Variants in EXOC4 observed in about 807,000 individuals in gnomAD.
EXOC4 encodes the protein SEC8-like 1.
In EXOC4, 71 loss-of-function variants were observed where a neutral mutation model predicts 107.2. The ratio of observed to expected loss-of-function variants is 0.66; its 90% CI spans 0.55 to 0.81. The LOEUF (loss-of-function observed/expected upper bound fraction) is 0.81. Among genes scored for constraint, EXOC4 ranks in the 30% least tolerant of loss-of-function variants. The pLI is 0.00. For synonymous variants in EXOC4, 456 were observed against 441.2 expected, an observed-to-expected ratio of 1.03 and a Z score of -0.42; for missense variants, 1,108 against 1,189.6, an observed-to-expected ratio of 0.93 and a Z score of 1.01.
intron 10 of EXOC4, among the ~76,000 whole-genome samples, chr7:133,732,250 C>T (rs1795343950): frequency 6.6e-6 from 1 of 151,980 alleles, no homozygotes; most frequent in Non-Finnish European, 1.5e-5. Context: ...ACACATGAAC[C>T]CAGAGAAAGG....
chr7:133,440,863 C>T (rs1211704318), intron 7 of EXOC4, among the ~76,000 whole-genome samples: 1 of 152,208 alleles, frequency 6.6e-6, no homozygotes, highest in Non-Finnish European at 1.5e-5. Context: ...AAGTGGGTAG[C>T]TATCAGCCCT....
At chr7:133,677,750 T>C (rs1794096357) in intron 10 of EXOC4, among the ~76,000 whole-genome samples, 1 of 152,282 alleles carries the variant, frequency 6.6e-6, no homozygotes, top group South Asian at 2.1e-4. Flanking sequence ...CTAATCAATC[T>C]TAAATCCTTC....
intron 17 of EXOC4, among the ~76,000 whole-genome samples, chr7:134,054,993 T>C (rs1011991332): frequency 6.6e-6 from 1 of 152,252 alleles, no homozygotes; most frequent in Admixed American, 6.5e-5. Flanking sequence ...CTTTGGTTTA[T>C]TTAGGTTTTC....
intron 11 of EXOC4, among the ~76,000 whole-genome samples, chr7:133,838,307 A>G (rs1797958803): frequency 6.6e-6 from 1 of 152,204 alleles, no homozygotes; most frequent in Admixed American, 6.5e-5. Flanking sequence ...ATCTGAGTTA[A>G]AGTAGTTTTC....
intron 9 of EXOC4, among the ~76,000 whole-genome samples, chr7:133,519,355 C>G (rs150842471): frequency 9.9e-5 from 15 of 151,796 alleles, no homozygotes; most frequent in Non-Finnish European, 1.9e-4. Context: ...CCCAGGAGGT[C>G]GAGGCTGCAG....
chr7:133,253,390 A>G, intron 1 of EXOC4: 1 of 1,335,384 alleles, frequency 7.5e-7, no homozygotes, highest in Non-Finnish European at 9.6e-7. Flanking sequence ...CTATAGAGAG[A>G]GGAGCCCCGC....
chr7:133,971,033 G>A (rs903229668), intron 14 of EXOC4, among the ~76,000 whole-genome samples: 2 of 152,038 alleles, frequency 1.3e-5, no homozygotes, highest in Non-Finnish European at 2.9e-5. Flanking sequence ...GAGAACCTCA[G>A]CCCTAACTGT....
intron 9 of EXOC4, among the ~76,000 whole-genome samples, chr7:133,556,727 G>T (rs904326863): frequency 1.3e-5 from 2 of 152,126 alleles, no homozygotes; most frequent in Admixed American, 1.3e-4. Flanking sequence ...AGGCACTAAT[G>T]GAATATTTTT....
intron 17 of EXOC4, among the ~76,000 whole-genome samples, chr7:134,035,329 G>A (rs1397588054): frequency 6.6e-6 from 1 of 152,172 alleles, no homozygotes; most frequent in African/African-American, 2.4e-5. Context: ...ACAGGCGTGA[G>A]CCACTGCGCC....
chr7:133,872,178 C>G (rs1268546674), intron 11 of EXOC4, among the ~76,000 whole-genome samples: 1 of 152,050 alleles, frequency 6.6e-6, no homozygotes, highest in African/African-American at 2.4e-5. Flanking sequence ...TCAAAATAAT[C>G]TGCAAAGATT....
At chr7:133,479,047 C>G (rs1799089905) in intron 8 of EXOC4, 1 of 152,116 alleles carries the variant, frequency 6.6e-6, no homozygotes, top group African/African-American at 2.4e-5. Context: ...GATGGTGTGC[C>G]TGCCTTGTTG....
intron 2 of EXOC4, among the ~76,000 whole-genome samples, chr7:133,281,343 T>C (rs1794134948): frequency 6.8e-6 from 1 of 148,100 alleles, no homozygotes; most frequent in Non-Finnish European, 1.5e-5. Flanking sequence ...ATAATAAAAA[T>C]GTATCATTAA....
intron 6 of EXOC4, among the ~76,000 whole-genome samples, chr7:133,364,938 T>C (rs778501284): frequency 7.9e-5 from 12 of 152,176 alleles, no homozygotes; most frequent in Non-Finnish European, 1.8e-4. Context: ...GCTTTCTGGC[T>C]TATATAAACA....
chr7:133,591,408 A>C (rs910890915), intron 9 of EXOC4, among the ~76,000 whole-genome samples: 3 of 152,052 alleles, frequency 2.0e-5, no homozygotes, highest in Admixed American at 2.0e-4. Context: ...GCTCTTTTCA[A>C]ACTGATGTTT....
At chr7:133,952,380 A>T (rs1800713716) in intron 14 of EXOC4, among the ~76,000 whole-genome samples, 1 of 152,180 alleles carries the variant, frequency 6.6e-6, no homozygotes, top group Admixed American at 6.5e-5. Context: ...GGTGACAATG[A>T]TCTGGTTAGC....
chr7:133,867,234 T>A (rs1324797878), intron 11 of EXOC4, among the ~76,000 whole-genome samples: 1 of 152,230 alleles, frequency 6.6e-6, no homozygotes, highest in Non-Finnish European at 1.5e-5. Context: ...GTGCCTCAGT[T>A]TTCTCTTTTG....
intron 7 of EXOC4, among the ~76,000 whole-genome samples, chr7:133,379,622 A>G (rs949153144): frequency 1.3e-5 from 2 of 152,096 alleles, no homozygotes; most frequent in Non-Finnish European, 2.9e-5. Flanking sequence ...ACTTATGGCA[A>G]GGTCATAAAA....
At chr7:133,427,363 T>A (rs1797750494) in intron 7 of EXOC4, among the ~76,000 whole-genome samples, 1 of 152,214 alleles carries the variant, frequency 6.6e-6, no homozygotes, top group South Asian at 2.1e-4. Flanking sequence ...ATCACCTCTA[T>A]ACGTTTTCAT....
the EXOC4 span, among the ~76,000 whole-genome samples, chr7:134,072,477 G>A: frequency 1.3e-5 from 2 of 152,196 alleles, no homozygotes; most frequent in Non-Finnish European, 1.5e-5. Flanking sequence ...TGCTTCAGGG[G>A]AAGGTCAGAA....
Sources: allele counts gnomAD v4.1 joint callset (sites outside exome capture counted in the v4.1 genomes callset), GRCh38; gene constraint gnomAD v4.1.1; transcripts MANE v1.5; gene names NCBI Gene and HGNC (gene_info 2026-07-23, HGNC 2026-07-21).